OTOG: variants seen among roughly 807,000 people sequenced by gnomAD.
OTOG encodes the protein otogelin.
Under a neutral mutation model 313.8 loss-of-function variants are expected in OTOG, and 296 were observed. The ratio of observed to expected loss-of-function variants is 0.94; its 90% CI spans 0.86 to 1.04. The LOEUF (loss-of-function observed/expected upper bound fraction) is 1.04, where lower values mean the gene tolerates loss of function less well. Among genes scored for constraint, OTOG ranks in the 50% least tolerant of loss-of-function variants. The pLI is 0.00. For synonymous variants in OTOG, 1,533 were observed against 1,554.9 expected (o/e 0.99, Z 0.33); for missense variants, 3,948 against 3,840.1 (o/e 1.03, Z -0.74).
At chr11:17,577,399 G>T (rs532144702) in intron 22 of OTOG, among the ~76,000 whole-genome samples, 1 of 152,080 alleles carries the variant, frequency 6.6e-6, no homozygotes, top group African/African-American at 2.4e-5. Context: ...GTCAACCTTT[G>T]AGAGGCTGTG....
chr11:17,619,424 A>G (rs1853808660), intron 39 of OTOG, among the ~76,000 whole-genome samples: 1 of 152,180 alleles, frequency 6.6e-6, no homozygotes, highest in African/African-American at 2.4e-5. Context: ...AGTGATGTTT[A>G]TATATTGTTG....
chr11:17,620,193 C>T (rs1389365128), intron 39 of OTOG, among the ~76,000 whole-genome samples: 1 of 152,184 alleles, frequency 6.6e-6, no homozygotes, highest in Non-Finnish European at 1.5e-5. Flanking sequence ...AGCTCCAAAA[C>T]ATTTTCATCA....
At chr11:17,573,358 C>G in intron 19 of OTOG, 68 bp downstream of exon 19, 1 of 1,430,676 alleles carries the variant, frequency 7.0e-7, no homozygotes, top group Non-Finnish European at 9.3e-7. Context: ...GTCCCCTGCC[C>G]CTGAAAGTCT....
chr11:17,553,322 C>T (rs1187558620), intron 5 of OTOG, 43 bp from the exon 6 acceptor site: 16 of 1,490,118 alleles, frequency 1.1e-5, no homozygotes, highest in African/African-American at 7.0e-5. Context: ...TGGCTTGGTG[C>T]CCACTGTAGC....
intron 24 of OTOG, among the ~76,000 whole-genome samples, chr11:17,587,140 G>T (rs1437173141): frequency 1.3e-5 from 2 of 152,352 alleles, no homozygotes. Context: ...CTGTGTAAAT[G>T]TGCATTGTGT....
intron 12 of OTOG, among the ~76,000 whole-genome samples, chr11:17,559,968 T>A (rs1407918948): frequency 6.7e-6 from 1 of 149,692 alleles, no homozygotes; most frequent in Non-Finnish European, 1.5e-5. Flanking sequence ...AACAAATGAA[T>A]AAATGGTTTA....
intron 41 of OTOG, 78 bp downstream of exon 41, chr11:17,632,000 A>G (rs1854139767): frequency 8.4e-6 from 13 of 1,540,922 alleles, no homozygotes; most frequent in Non-Finnish European, 1.1e-5. Context: ...GCAGAGGCTC[A>G]TTGTTCCTTT....
In OTOG at chr11:17,578,867, G is replaced by A. The variant is rs553517519; in HGVS notation, c.2759+341G>A. The stretch of plus-strand genomic sequence containing the variant: ...TCTGGCACGCTGGGCACTGCAGTGC[G>A]TTGGAGGCCACTGGAGAGAAAACTC... On this transcript the variant is annotated intron_variant, in intron 23 of 55. Coordinates refer to ENST00000399397, the MANE Select transcript of OTOG (RefSeq NM_001292063.2). 3.3e-4 allele frequency among the ~76,000 whole-genome samples: 51 copies of A among 152,318 alleles called. No homozygotes were observed. In the Middle Eastern group the frequency reaches 0.01, roughly 30 times the overall value.
At chr11:17,568,434 C>CA (rs1459505900) in intron 15 of OTOG, among the ~76,000 whole-genome samples, 8 of 152,156 alleles carry the variant, frequency 5.3e-5, no homozygotes, top group African/African-American at 1.9e-4. Flanking sequence ...GCTTTTCTAA[C>CA]ACTCTACACC....
chr11:17,625,082 T>G (rs896575200), intron 39 of OTOG, among the ~76,000 whole-genome samples: 1 of 152,210 alleles, frequency 6.6e-6, no homozygotes, highest in African/African-American at 2.4e-5. Flanking sequence ...TTTCTAGATA[T>G]AGGATCATGT....
At chr11:17,609,470 G>C (rs1043365643) in intron 35 of OTOG, among the ~76,000 whole-genome samples, 185 bp from the exon 36 acceptor site, 9 of 152,110 alleles carry the variant, frequency 5.9e-5, no homozygotes, top group South Asian at 2.1e-4. Flanking sequence ...AGGTCTCTTG[G>C]TTCTGGGGTC....
At chr11:17,634,017 G>C in intron 43 of OTOG, 52 bp from the exon 44 acceptor site, 2 of 1,516,520 alleles carry the variant, frequency 1.3e-6, no homozygotes, top group Non-Finnish European at 1.8e-6. Context: ...AGCCTGGGAA[G>C]GTCTGGGCTC....
rs1207654958 is a variant in OTOG at position 17,634,860 on chromosome 11, G to C, written c.7497G>C (p.Leu2499=). The C allele has an allele frequency of 6.5e-7, 1 of 1,549,516 alleles. No individual in the cohort carries two copies. The highest frequency in any genetic ancestry group is 8.7e-7 in the Non-Finnish European group (1 of 1,146,768). The part of the protein sequence containing the change: ...LGTVCVCNQT[L]CEGLAPTCRP... ...CGGGGCCAGTGTGTAACCAGACTCT[G>C]TGTGAGGGTCTCGCCCCCACATGCC... The change falls in exon 45 of 56, where the codon CTG becomes CTC. Residue 2499 remains leucine (L), a synonymous_variant. Transcript: ENST00000399397.
At chr11:17,618,198 G>A (rs1011146967) in intron 39 of OTOG, among the ~76,000 whole-genome samples, 1 of 152,098 alleles carries the variant, frequency 6.6e-6, no homozygotes, top group African/African-American at 2.4e-5. Flanking sequence ...ACCATGCCTG[G>A]CCTCTTTTTC....
intron 23 of OTOG, among the ~76,000 whole-genome samples, chr11:17,580,901 T>G (rs1852649687): frequency 6.6e-6 from 1 of 152,170 alleles, no homozygotes; most frequent in African/African-American, 2.4e-5. Context: ...ATTAAGCATG[T>G]GCTTTTTTTT....
At chr11:17,612,419 T>C in intron 37 of OTOG, 89 bp downstream of exon 37, 1 of 1,443,266 alleles carries the variant, frequency 6.9e-7, no homozygotes, top group Admixed American at 2.3e-5. Flanking sequence ...TGTCCCAGAC[T>C]CCCCTCCTGT....
intron 18 of OTOG, 144 bp from the exon 19 acceptor site, chr11:17,572,934 C>G (rs952512987): frequency 2.6e-6 from 2 of 768,464 alleles, no homozygotes; most frequent in African/African-American, 3.5e-5. Flanking sequence ...TCCCAGCCAG[C>G]TGTACACTGA....
At chr11:17,629,464 C>A in intron 40 of OTOG, 148 bp downstream of exon 40, 3 of 930,966 alleles carry the variant, frequency 3.2e-6, no homozygotes, top group South Asian at 1.8e-5. Flanking sequence ...GGAGGCCTAA[C>A]GTCTTGTGTC....
At chr11:17,600,808 G>A (rs1285115466) in intron 31 of OTOG, among the ~76,000 whole-genome samples, 1 of 152,200 alleles carries the variant, frequency 6.6e-6, no homozygotes, top group Non-Finnish European at 1.5e-5. Context: ...GGCATTTTGG[G>A]TGGCAGTAAC....
Sources: gnomAD v4.1 joint callset for allele counts (sites outside exome capture counted in the v4.1 genomes callset) on GRCh38, gnomAD v4.1.1 for gene constraint, MANE v1.5 for transcripts, NCBI Gene and HGNC (gene_info 2026-07-23, HGNC 2026-07-21) for gene names.